Variants in MIPOL1 observed in about 807,000 individuals in gnomAD.
MIPOL1 encodes the protein mirror-image polydactyly 1.
Under a neutral mutation model 60.9 loss-of-function variants are expected in MIPOL1, and 57 were observed. That is an observed-to-expected ratio of 0.94 (90% confidence interval 0.76 to 1.17). MIPOL1 has a LOEUF of 1.17. Among genes scored for constraint, MIPOL1 ranks in the 50% most tolerant of loss-of-function variants. MIPOL1 has a pLI of 0.00. For missense variants in MIPOL1, 551 were observed against 511.6 expected (o/e 1.08, Z -0.74); for synonymous variants, 179 against 168.8 (o/e 1.06, Z -0.47).
chr14:37,303,423 C>T (rs1360888150), intron 7 of MIPOL1, among the ~76,000 whole-genome samples: 1 of 151,876 alleles, frequency 6.6e-6, no homozygotes, highest in African/African-American at 2.4e-5. Flanking sequence ...AAACTTCTTC[C>T]TCAGAACTTC....
At chr14:37,540,838 G>T (rs2095526797) in intron 12 of MIPOL1, among the ~76,000 whole-genome samples, 1 of 152,112 alleles carries the variant, frequency 6.6e-6, no homozygotes, top group Non-Finnish European at 1.5e-5. Flanking sequence ...GAAAGCTCTG[G>T]TTCCCTTTTA....
intron 12 of MIPOL1, among the ~76,000 whole-genome samples, chr14:37,528,184 C>G (rs557437459): frequency 6.6e-6 from 1 of 152,092 alleles, no homozygotes; most frequent in South Asian, 2.1e-4. Context: ...GGCAACTTGA[C>G]ATTTTTACAA....
intron 1 of MIPOL1, among the ~76,000 whole-genome samples, chr14:37,203,017 C>G (rs1419524456): frequency 6.6e-6 from 1 of 152,230 alleles, no homozygotes; most frequent in African/African-American, 2.4e-5. Flanking sequence ...TGACTCACTT[C>G]CACTTGCAAC....
At chr14:37,336,892 C>T (rs757817195) in intron 9 of MIPOL1, among the ~76,000 whole-genome samples, 5 of 151,990 alleles carry the variant, frequency 3.3e-5, no homozygotes, top group Non-Finnish European at 5.9e-5. Flanking sequence ...TCCCGAGTAG[C>T]TGGGACTACA....
chr14:37,452,332 G>A (rs2094432719), intron 11 of MIPOL1, among the ~76,000 whole-genome samples: 1 of 152,158 alleles, frequency 6.6e-6, no homozygotes, highest in Admixed American at 6.5e-5. Context: ...AAATAGTTCT[G>A]TGAGTATGAA....
chr14:37,437,892 T>C (rs1484656145), intron 11 of MIPOL1, among the ~76,000 whole-genome samples: 1 of 152,198 alleles, frequency 6.6e-6, no homozygotes, highest in Non-Finnish European at 1.5e-5. Flanking sequence ...TCATTAGCTC[T>C]TTTTTGAGAT....
intron 10 of MIPOL1, among the ~76,000 whole-genome samples, chr14:37,380,263 T>G (rs1420828021): frequency 6.6e-6 from 1 of 152,144 alleles, no homozygotes; most frequent in East Asian, 1.9e-4. Context: ...AACAGCGTTC[T>G]GTTCCCTTGC....
chr14:37,493,361 T>G (rs899049255), intron 11 of MIPOL1, among the ~76,000 whole-genome samples: 20 of 152,106 alleles, frequency 1.3e-4, no homozygotes, highest in African/African-American at 4.6e-4. Context: ...CCAAGTTACA[T>G]TAAGCTGAGG....
intron 12 of MIPOL1, among the ~76,000 whole-genome samples, chr14:37,519,080 C>T (rs771636466): frequency 1.7e-4 from 26 of 152,022 alleles, no homozygotes; most frequent in Non-Finnish European, 3.2e-4. Flanking sequence ...AAATCAGTAC[C>T]TTGTAACTTG....
intron 11 of MIPOL1, among the ~76,000 whole-genome samples, chr14:37,437,727 A>G (rs2094183970): frequency 6.6e-6 from 1 of 152,166 alleles, no homozygotes; most frequent in South Asian, 2.1e-4. Flanking sequence ...CCTGCAAAGT[A>G]AGAATTGTAA....
At chr14:37,476,996 G>A (rs1230072655) in intron 11 of MIPOL1, among the ~76,000 whole-genome samples, 1 of 149,468 alleles carries the variant, frequency 6.7e-6, no homozygotes, top group Non-Finnish European at 1.5e-5. Context: ...CTCCTCCCAG[G>A]TTCCAGCAAT....
chr14:37,526,611 G>C (rs2095449239), intron 12 of MIPOL1, among the ~76,000 whole-genome samples: 1 of 149,782 alleles, frequency 6.7e-6, no homozygotes, highest in Admixed American at 6.7e-5. Flanking sequence ...TTGATCTCCT[G>C]ACCTTGTGAT....
chr14:37,227,022 T>C (rs1356885611), intron 1 of MIPOL1, among the ~76,000 whole-genome samples: 1 of 152,190 alleles, frequency 6.6e-6, no homozygotes, highest in Admixed American at 6.5e-5. Context: ...TATGAGGTGC[T>C]GTGAGAGCTA....
intron 11 of MIPOL1, among the ~76,000 whole-genome samples, chr14:37,464,130 G>A (rs937464871): frequency 6.6e-6 from 1 of 152,184 alleles, no homozygotes; most frequent in Non-Finnish European, 1.5e-5. Flanking sequence ...AGATGTGGAG[G>A]AAAGGAACCA....
At chr14:37,457,925 C>G (rs933931666) in intron 11 of MIPOL1, among the ~76,000 whole-genome samples, 3 of 152,132 alleles carry the variant, frequency 2.0e-5, no homozygotes, top group Non-Finnish European at 4.4e-5. Flanking sequence ...TACACTTAAA[C>G]ATGGGTTGAA....
chr14:37,411,909 C>T (rs2093686983), intron 10 of MIPOL1, among the ~76,000 whole-genome samples: 1 of 152,058 alleles, frequency 6.6e-6, no homozygotes, highest in Non-Finnish European at 1.5e-5. Flanking sequence ...TCAATTGTGC[C>T]TCTTATATAG....
chr14:37,499,154 G>C (rs1319113581), intron 11 of MIPOL1, among the ~76,000 whole-genome samples: 1 of 151,938 alleles, frequency 6.6e-6, no homozygotes, highest in Non-Finnish European at 1.5e-5. Context: ...TGAGGTGCTT[G>C]GTGCCATTTC....
chr14:37,410,348 A>G (rs560530463), intron 10 of MIPOL1, among the ~76,000 whole-genome samples: 364 of 152,308 alleles, frequency 2.4e-3, no homozygotes, highest in Non-Finnish European at 4.3e-3. Context: ...CCTAAAACTT[A>G]AAGTATAATA....
chr14:37,445,920 A>G (rs2094326303), intron 11 of MIPOL1, among the ~76,000 whole-genome samples: 1 of 152,210 alleles, frequency 6.6e-6, no homozygotes, highest in Non-Finnish European at 1.5e-5. Flanking sequence ...ACAGAAATTA[A>G]TTCAAGATGG....
Sources: allele counts gnomAD v4.1 joint callset (sites outside exome capture counted in the v4.1 genomes callset), GRCh38; gene constraint gnomAD v4.1.1; transcripts MANE v1.5; gene names NCBI Gene and HGNC (gene_info 2026-07-23, HGNC 2026-07-21).